DMKN: variants seen among roughly 807,000 people sequenced by gnomAD.
DMKN encodes epidermis-specific secreted protein SK30/SK89.
In DMKN, 58 loss-of-function variants were observed where a neutral mutation model predicts 67.6. The ratio of observed to expected loss-of-function variants is 0.86; its 90% CI spans 0.69 to 1.07. The LOEUF (loss-of-function observed/expected upper bound fraction) is 1.07. DMKN is among the 50% of genes least tolerant of loss of function. DMKN has a pLI of 0.00. For synonymous variants in DMKN, 240 were observed against 232.3 expected (o/e 1.03, Z -0.30); for missense variants, 596 against 601.5 (o/e 0.99, Z 0.10).
rs2070778981 is a variant in DMKN at position 35,511,491 on chromosome 19, C to CCACCACTGCTGCT, written c.837_838insAGCAGCAGTGGTG (p.Gly280SerfsTer24). The stretch of plus-strand genomic sequence containing the variant: ...CCACCACTGCTGCCGCCACTGCTGC[C>CCACCACTGCTGCT]GCCACTGCTGCTGCCACTGCTGCTG... On this transcript the variant is annotated frameshift_variant, in exon 5 of 16. Transcript: ENST00000339686. LOFTEE classifies it high-confidence loss of function. The CCACCACTGCTGCT allele has an allele frequency of 8.0e-6, 9 of 1,128,008 alleles. No individual in the cohort carries two copies. The African/African-American group carries it at 2.1e-4, about 26-fold the overall frequency. 69.9% of individuals were successfully genotyped at this position (1,128,008 alleles called of 1,614,324 possible).
In DMKN at chr19:35,499,951, G is replaced by T. The variant is rs750980847; in HGVS notation, c.1359+7C>A. On this transcript the variant is annotated splice_region_variant and intron_variant, in intron 13 of 15. Transcript: ENST00000339686. ...CAGCGGGAAGACAGGGTGGTTGCCG[G>T]TCTCACCTTTGCAGGGGTCTTGACT... 2.5e-6 allele frequency: 4 copies of T among 1,614,024 alleles called. No individual in the cohort carries two copies. The Admixed American group carries it at 6.7e-5, about 27-fold the overall frequency.
At chr19:35,504,052 C>T (rs2068952516) in intron 9 of DMKN, among the ~76,000 whole-genome samples, 1 of 152,148 alleles carries the variant, frequency 6.6e-6, no homozygotes, top group East Asian at 1.9e-4. Flanking sequence ...TCTCCCCTGC[C>T]CACCTCTGCC....
intron 12 of DMKN, 111 bp downstream of exon 12, chr19:35,500,422 G>A (rs2068158020): frequency 3.9e-6 from 6 of 1,552,760 alleles, no homozygotes; most frequent in Admixed American, 2.0e-5. Flanking sequence ...GCACCCGGCT[G>A]AGAAAGCCAT....
chr19:35,501,884 G>A, intron 11 of DMKN: 1 of 1,582,932 alleles, frequency 6.3e-7, no homozygotes. Flanking sequence ...AGCAGAGGCA[G>A]TGGCCGGCTT....
Position 35,502,883 on chromosome 19 carries a change from G to T in DMKN, c.1138C>A (p.Gln380Lys), listed in dbSNP as rs777748419. 3.1e-6 allele frequency: 5 copies of T among 1,613,914 alleles called. No individual in the cohort carries two copies. The South Asian group carries it at 5.5e-5, about 18-fold the overall frequency. ...GCTCGGGTGCTGGGGGGCGGGACCT[G>T]GTTCTGTGGATGAAAGGCGGGGAGC... ...FINWDAINKN[Q>K]VPPPSTRALL... is the part of the protein sequence containing the mutation. Residue 380 changes from glutamine to lysine, a missense_variant, in exon 10 of 16, where the codon CAG becomes AAG. Transcript: ENST00000339686.
In DMKN at chr19:35,507,590, C is replaced by A; in HGVS notation, c.1039-1604G>T. ...ACGAGAGGGCAAGGAAGCAGGGTGT[C>A]GGCGAGGGATTCCTGAATCGGGGGA... is the stretch of plus-strand genomic sequence containing the variant. On this transcript the variant is annotated intron_variant, in intron 7 of 15. Transcript: ENST00000339686. The A allele has an allele frequency of 4.8e-6, 6 of 1,255,612 alleles. No homozygotes were observed. The South Asian group carries it at 7.7e-5, about 16-fold the overall frequency. The allele number at this position is 1,255,612 out of a possible 1,614,324, so 77.8% of individuals were successfully genotyped here.
chr19:35,506,280 C>T (rs187385701), intron 7 of DMKN: 37 of 1,279,586 alleles, frequency 2.9e-5, no homozygotes, highest in Non-Finnish European at 3.3e-5. Context: ...ATCCCCACCT[C>T]GGTCCAGGCT....
chr19:35,506,016 G>A, intron 7 of DMKN, 30 bp from the exon 8 acceptor site: 1 of 1,614,144 alleles, frequency 6.2e-7, no homozygotes, highest in Admixed American at 1.7e-5. Context: ...TGGGATGAGA[G>A]AAGAACCCAC....
intron 13 of DMKN, 48 bp from the exon 14 acceptor site, chr19:35,498,945 A>T: frequency 6.2e-7 from 1 of 1,613,786 alleles, no homozygotes; most frequent in Non-Finnish European, 8.5e-7. Context: ...GCCTCCCTGT[A>T]CTCTGCCATG....
At chr19:35,505,204 T>A (rs927493552) in intron 9 of DMKN, among the ~76,000 whole-genome samples, 2 of 151,844 alleles carry the variant, frequency 1.3e-5, no homozygotes, top group African/African-American at 2.4e-5. Context: ...TGGCCAGGGG[T>A]TCCCCTGCAA....
chr19:35,502,859 C>T lies in DMKN; in HGVS notation c.1162G>A (p.Ala388Thr), dbSNP rs1208173199. The T allele has an allele frequency of 1.9e-6, 3 of 1,613,840 alleles. No homozygotes were observed. The highest frequency in any genetic ancestry group is 1.6e-4 in the Middle Eastern group (1 of 6,074). The change falls in exon 10 of 16, where the codon GCC becomes ACC. Residue 388 changes from alanine (A) to threonine (T), a missense_variant. Transcript: ENST00000339686. ...KNQVPPPSTR[A>T]LLYFSRLWED... ...CAGAGTCGGCTGAAGTAGAGGAGGG[C>T]TCGGGTGCTGGGGGGCGGGACCTGG...
chr19:35,508,196 T>C (rs1322358275), intron 7 of DMKN: 2 of 1,552,102 alleles, frequency 1.3e-6, no homozygotes, highest in East Asian at 4.9e-5. Context: ...ACATCTACCA[T>C]CCTCTTACCC....
Position 35,510,218 on chromosome 19 carries a change from C to T in DMKN, c.953G>A (p.Gly318Asp). ...SSTGSSSGNH[G>D]GSGGGNGHKP... ...ATGTCCATTTCCTCCGCCGCTCCCA[C>T]CGTGGTTGCCGGAGGAGGAGCCGGT... is the stretch of plus-strand genomic sequence containing the variant. Residue 318 changes from glycine (G) to aspartate (D), a missense_variant, in exon 6 of 16, where the codon GGT (glycine) becomes GAT (aspartate). By Grantham distance (94) the Gly-to-Asp change is moderately conservative. Coordinates refer to ENST00000339686, the MANE Select transcript of DMKN (RefSeq NM_033317.5). 6.2e-7 allele frequency: 1 copy of T among 1,608,970 alleles called. No homozygotes were observed. Among genetic ancestry groups the T allele is most frequent in the Non-Finnish European group, 8.5e-7 (1 of 1,177,904 alleles).
chr19:35,509,380 CT>C (rs1489992556), intron 7 of DMKN: 2 of 152,908 alleles, frequency 1.3e-5, no homozygotes, highest in African/African-American at 4.8e-5. Flanking sequence ...GGCCTTGCCC[CT>C]GGCCACGTGG....
intron 7 of DMKN, chr19:35,507,538 T>C: frequency 1.3e-6 from 2 of 1,549,058 alleles, no homozygotes; most frequent in Non-Finnish European, 1.7e-6. Flanking sequence ...CGGAGAGGAG[T>C]TGATGGGGAG....
intron 7 of DMKN, chr19:35,508,269 C>A: frequency 6.4e-7 from 1 of 1,551,434 alleles, no homozygotes; most frequent in Non-Finnish European, 8.7e-7. Context: ...AAACACAGAC[C>A]CCTGCTGAAG....
intron 8 of DMKN, 33 bp from the exon 9 acceptor site, chr19:35,505,798 T>C (rs781729922): frequency 6.2e-7 from 1 of 1,614,144 alleles, no homozygotes; most frequent in Admixed American, 1.7e-5. Context: ...AATGGCCAAA[T>C]TGAGTCATAA....
At chr19:35,511,235 C>G (rs1348386319) in intron 5 of DMKN, among the ~76,000 whole-genome samples, 176 bp downstream of exon 5, 1 of 152,162 alleles carries the variant, frequency 6.6e-6, no homozygotes, top group Admixed American at 6.5e-5. Flanking sequence ...GTGCGCGCAT[C>G]AGGGGCACAG....
At chr19:35,508,061 C>T in intron 7 of DMKN, 1 of 1,059,864 alleles carries the variant, frequency 9.4e-7, no homozygotes. Context: ...CCAGACCCAT[C>T]AGTACTTCCT....
Sources: allele counts gnomAD v4.1 joint callset (sites outside exome capture counted in the v4.1 genomes callset), GRCh38; gene constraint gnomAD v4.1.1; transcripts MANE v1.5; gene names NCBI Gene and HGNC (gene_info 2026-07-23, HGNC 2026-07-21).